Variants in GTF2H3 observed in about 807,000 individuals in gnomAD.
The protein encoded by GTF2H3 is TFIIH basal transcription factor complex p34 subunit.
GTF2H3 carries 42 observed loss-of-function variants against 51.1 expected under a neutral mutation model. The observed-to-expected ratio is 0.82, with a 90% CI of 0.64 to 1.06. The LOEUF (loss-of-function observed/expected upper bound fraction) is 1.06. Ranked by LOEUF, GTF2H3 falls within the 50% of genes least tolerant of loss-of-function variation. The probability of loss-of-function intolerance (pLI) is 0.00; values close to 1 mark genes in which losing one functional copy is unlikely to be tolerated. For missense variants in GTF2H3, 326 were observed against 366.1 expected (o/e 0.89, Z 0.89); for synonymous variants, 123 against 123.8 (o/e 0.99, Z 0.04).
chr12:123,647,848 T>G, intron 3 of GTF2H3, 115 bp from the exon 4 acceptor site: 1 of 569,582 alleles, frequency 1.8e-6, no homozygotes, highest in Non-Finnish European at 3.0e-6. Flanking sequence ...TGGAATCTTG[T>G]GAGTCCCACA....
At chr12:123,657,741 A>C (rs951544869) in intron 9 of GTF2H3, among the ~76,000 whole-genome samples, 1 of 152,242 alleles carries the variant, frequency 6.6e-6, no homozygotes, top group African/African-American at 2.4e-5. Flanking sequence ...AACCCTGCAC[A>C]GTGCTCTAAA....
intron 1 of GTF2H3, among the ~76,000 whole-genome samples, chr12:123,634,758 C>T (rs1207242360): frequency 1.3e-5 from 2 of 152,150 alleles, no homozygotes; most frequent in East Asian, 1.9e-4. Context: ...CATACAGAGT[C>T]AGATGTCTTG....
chr12:123,644,547 T>C (rs1438742466), intron 2 of GTF2H3, among the ~76,000 whole-genome samples: 1 of 151,780 alleles, frequency 6.6e-6, no homozygotes, highest in Non-Finnish European at 1.5e-5. Flanking sequence ...AGGCCTGTAG[T>C]CCCAGCTGCT....
At chr12:123,642,246 C>T (rs1955386409) in intron 2 of GTF2H3, among the ~76,000 whole-genome samples, 1 of 151,168 alleles carries the variant, frequency 6.6e-6, no homozygotes, top group Non-Finnish European at 1.5e-5. Context: ...TTTTGGCTTA[C>T]TGCAACCTCT....
chr12:123,660,319 A>AG lies in GTF2H3; in HGVS notation c.*85dup. ...TTGTTGGGAAGACTGAAAAAAATAA[A>AG]GATAGGTATAGGATAATTTTTAATA... On this transcript the variant is annotated 3_prime_UTR_variant, in exon 13 of 13. Transcript: ENST00000543341. 3.2e-6 allele frequency: 3 copies of AG among 948,002 alleles called. No homozygotes were observed. The highest frequency in any genetic ancestry group is 4.9e-6 in the Non-Finnish European group (3 of 615,784). The allele number at this position is 948,002 out of a possible 1,614,324, so 58.7% of individuals were successfully genotyped here. A position where few individuals can be genotyped will look rare whatever the true frequency, so the allele number is the denominator to read the frequency against.
chr12:123,639,196 G>T, intron 1 of GTF2H3, 68 bp from the exon 2 acceptor site: 1 of 767,686 alleles, frequency 1.3e-6, no homozygotes, highest in Admixed American at 2.1e-5. Flanking sequence ...TATGAATTGG[G>T]AATGTTAGCT....
rs1486944242 is a variant in GTF2H3 at position 123,659,883 on chromosome 12, A to G, written c.773A>G (p.His258Arg). 2 of 1,614,030 alleles carry G rather than the reference A, an allele frequency of 1.2e-6. No individual in the cohort carries two copies. The highest frequency in any genetic ancestry group is 1.3e-5 in the African/African-American group (1 of 74,920). ...GACTACAGGGCTGCTTGCTTCTGTC[A>G]TCGAAATCTCATTGAAATTGGTTAT... is the stretch of plus-strand genomic sequence containing the variant. ...HVDYRAACFC[H>R]RNLIEIGYVC... The change falls in exon 11 of 13, where the codon CAT becomes CGT. Residue 258 changes from histidine (H) to arginine (R), a missense_variant. Transcript: ENST00000543341.
intron 1 of GTF2H3, among the ~76,000 whole-genome samples, chr12:123,634,354 A>T (rs1955241027): frequency 6.6e-6 from 1 of 152,172 alleles, no homozygotes; most frequent in Admixed American, 6.5e-5. Context: ...AGGCGGGAGA[A>T]TCACTTGAGC....
rs1046023765 is a variant in GTF2H3 at position 123,641,185 on chromosome 12, C to T, written c.93+1842C>T. ...TAAAATAAAAAAATAAAAAAATTAT[C>T]GAGAATGGAATATTGAAATGAAGTA... On this transcript the variant is annotated intron_variant, in intron 2 of 12. Transcript: ENST00000543341. Among the ~76,000 whole-genome samples the T allele has an allele frequency of 3.3e-5, 5 of 151,342 alleles. No homozygotes were observed. In the South Asian group the frequency reaches 1.0e-3, roughly 31 times the overall value.
At position 123,648,134 on chromosome 12, in the gene GTF2H3, C is replaced by G. The variant is rs760527219; in HGVS notation, c.364+8C>G. ...AAGATCTAATGACCAAAAGTAACAACTTTTAAACATTGTTATTTTGCAAAT... is the reference window on the plus strand; with the variant it reads ...AAGATCTAATGACCAAAAGTAACAAGTTTTAAACATTGTTATTTTGCAAAT... On this transcript the variant is annotated splice_region_variant and intron_variant, in intron 4 of 12. Transcript: ENST00000543341. 2 of 1,569,732 alleles carry G rather than the reference C, an allele frequency of 1.3e-6. No individual in the cohort carries two copies. The highest frequency in any genetic ancestry group is 2.3e-5 in the South Asian group (2 of 86,790).
rs560240876 is a variant in GTF2H3, at chr12:123,658,484, C to T, written c.616-1032C>T. ...ATCCGCGATTACAGGCGTGAGCCAC[C>T]GCGCCCGGCCTAATTTTTTAAATTT... On this transcript the variant is annotated intron_variant, in intron 9 of 12. Transcript: ENST00000543341. Among the ~76,000 whole-genome samples the T allele has an allele frequency of 9.6e-4, 146 of 152,194 alleles. 1 individual carries two copies. The Middle Eastern group carries it at 0.014, about 14-fold the overall frequency.
intron 1 of GTF2H3, among the ~76,000 whole-genome samples, chr12:123,634,762 T>G (rs11572915): frequency 0.014 from 2,104 of 152,310 alleles, 43 homozygotes; most frequent in African/African-American, 0.047. Context: ...CAGAGTCAGA[T>G]GTCTTGAAGA....
chr12:123,638,011 G>A (rs923525960), intron 1 of GTF2H3, among the ~76,000 whole-genome samples: 1 of 149,240 alleles, frequency 6.7e-6, no homozygotes, highest in Non-Finnish European at 1.5e-5. Context: ...TTGTTTGTTT[G>A]TTTCCAGACG....
chr12:123,645,775 C>A (rs950220659), intron 3 of GTF2H3, among the ~76,000 whole-genome samples: 1 of 152,040 alleles, frequency 6.6e-6, no homozygotes, highest in Admixed American at 6.6e-5. Context: ...ACACAATGGC[C>A]CATGTAATTT....
chr12:123,647,413 A>G (rs144041764), intron 3 of GTF2H3, among the ~76,000 whole-genome samples: 46 of 152,066 alleles, frequency 3.0e-4, no homozygotes, highest in East Asian at 2.1e-3. Flanking sequence ...TGGAAGTTGC[A>G]GTGAGCTGAG....
intron 8 of GTF2H3, 88 bp from the exon 9 acceptor site, chr12:123,655,683 G>A (rs1480462487): frequency 3.8e-6 from 3 of 783,146 alleles, no homozygotes; most frequent in African/African-American, 3.5e-5. Flanking sequence ...GCTATTTTAA[G>A]CATAGAGTAT....
intron 2 of GTF2H3, among the ~76,000 whole-genome samples, chr12:123,641,543 G>T (rs57773235): frequency 0.18 from 24,525 of 139,692 alleles, 4,187 homozygotes; most frequent in African/African-American, 0.46. Flanking sequence ...TTTTTTGTGT[G>T]TTTTTTTTTT....
At position 123,655,795 on chromosome 12, in the gene GTF2H3, T is replaced by G. The variant is rs747162193; in HGVS notation, c.586T>G (p.Leu196Val). 2.4e-5 allele frequency: 39 copies of G among 1,600,898 alleles called. No homozygotes were observed. The highest frequency in any genetic ancestry group is 3.3e-5 in the Non-Finnish European group (38 of 1,168,486). Residue 196 changes from leucine (L) to valine (V), a missense_variant, in exon 9 of 13, where the codon TTA becomes GTA. Coordinates refer to ENST00000543341, the MANE Select transcript of GTF2H3 (RefSeq NM_001516.5). ...KQNILIDACV[L>V]DSDSGLLQQA... is the part of the protein sequence containing the mutation. Reference sequence around the variant, plus strand: ...GAATATTTTGATTGATGCCTGTGTTTTAGACTCCGACTCAGGGCTCCTCCA... The same window carrying G: ...GAATATTTTGATTGATGCCTGTGTTGTAGACTCCGACTCAGGGCTCCTCCA...
chr12:123,659,275 G>T, intron 9 of GTF2H3: 1 of 443,330 alleles, frequency 2.3e-6, no homozygotes, highest in Non-Finnish European at 4.1e-6. Context: ...GCTGAGGCAG[G>T]AGAATCACTT....
Sources: allele counts gnomAD v4.1 joint callset (sites outside exome capture counted in the v4.1 genomes callset), GRCh38; gene constraint gnomAD v4.1.1; transcripts MANE v1.5; gene names NCBI Gene and HGNC (gene_info 2026-07-23, HGNC 2026-07-21).